The following FER variants were observed in gnomAD, a reference collection of about 807,000 sequenced individuals.
The protein encoded by FER is FER tyrosine kinase, also known as tyrosine-protein kinase Fer.
Under a neutral mutation model 111.0 loss-of-function variants are expected in FER, and 63 were observed. That is an observed-to-expected ratio of 0.57 (90% CI 0.46 to 0.70). The LOEUF (loss-of-function observed/expected upper bound fraction) is 0.70. Ranked by LOEUF, FER falls within the 30% of genes least tolerant of loss-of-function variation. The probability of loss-of-function intolerance (pLI) is 0.00; values close to 1 mark genes in which losing one functional copy is unlikely to be tolerated. For missense variants in FER, 914 were observed against 954.0 expected (o/e 0.96, Z 0.55); for synonymous variants, 327 against 313.9 (o/e 1.04, Z -0.44).
chr5:108,974,976 G>A (rs1485795983), intron 13 of FER, among the ~76,000 whole-genome samples: 3 of 152,050 alleles, frequency 2.0e-5, no homozygotes, highest in Non-Finnish European at 2.9e-5. Context: ...TGTGTTTATT[G>A]CAATAGCAAA....
chr5:108,836,768 GTTCT>G (rs927950092), intron 5 of FER, among the ~76,000 whole-genome samples: 12 of 151,970 alleles, frequency 7.9e-5, no homozygotes, highest in African/African-American at 2.4e-4. Flanking sequence ...TTTAAATGCA[GTTCT>G]TTCTCTTCTC....
At chr5:109,163,738 C>T (rs919468688) in intron 17 of FER, among the ~76,000 whole-genome samples, 10 of 151,922 alleles carry the variant, frequency 6.6e-5, no homozygotes, top group African/African-American at 2.4e-4. Flanking sequence ...CTACTGCACC[C>T]GGCCTAAAAA....
intron 17 of FER, among the ~76,000 whole-genome samples, chr5:109,106,626 T>C (rs1254899148): frequency 1.3e-5 from 2 of 152,312 alleles, no homozygotes; most frequent in Admixed American, 6.5e-5. Flanking sequence ...TAACCCTTTT[T>C]TCCTGTTACA....
At chr5:108,750,674 A>C (rs77606373) in intron 1 of FER, among the ~76,000 whole-genome samples, 10,209 of 152,334 alleles carry the variant, frequency 0.067, 429 homozygotes, top group South Asian at 0.086. Flanking sequence ...TTGGTAGACA[A>C]ATCATTTACA....
At chr5:108,875,354 T>G (rs1294585328) in intron 8 of FER, among the ~76,000 whole-genome samples, 2 of 152,042 alleles carry the variant, frequency 1.3e-5, no homozygotes, top group African/African-American at 4.8e-5. Flanking sequence ...CTATTATATA[T>G]AATATAATTT....
At chr5:109,021,759 T>G (rs1259942101) in intron 13 of FER, among the ~76,000 whole-genome samples, 2 of 152,082 alleles carry the variant, frequency 1.3e-5, no homozygotes, top group Non-Finnish European at 2.9e-5. Flanking sequence ...CTTTCTTAGA[T>G]TTGATAGATA....
intron 13 of FER, among the ~76,000 whole-genome samples, chr5:109,029,029 A>G (rs1314176020): frequency 6.6e-6 from 1 of 152,186 alleles, no homozygotes; most frequent in Non-Finnish European, 1.5e-5. Context: ...TTATGGACTA[A>G]TATTACTCAG....
chr5:109,005,381 G>T (rs905706658), intron 13 of FER, among the ~76,000 whole-genome samples: 1 of 152,082 alleles, frequency 6.6e-6, no homozygotes, highest in African/African-American at 2.4e-5. Context: ...GTGTGTGTGT[G>T]TGTGTGTATT....
intron 1 of FER, among the ~76,000 whole-genome samples, chr5:108,752,196 C>T (rs1750582397): frequency 6.6e-6 from 1 of 152,034 alleles, no homozygotes; most frequent in Non-Finnish European, 1.5e-5. Context: ...AAAATCAAGG[C>T]TCCAATTTTC....
intron 13 of FER, among the ~76,000 whole-genome samples, chr5:108,999,447 T>C (rs1029787213): frequency 6.6e-6 from 1 of 152,164 alleles, no homozygotes; most frequent in Non-Finnish European, 1.5e-5. Context: ...TTTCTTTAAA[T>C]GGATATTTTT....
chr5:108,774,151 T>C (rs541917394), intron 2 of FER, among the ~76,000 whole-genome samples: 1 of 151,862 alleles, frequency 6.6e-6, no homozygotes, highest in African/African-American at 2.4e-5. Context: ...GAACGTGGGA[T>C]GTTTGGTTTT....
chr5:108,963,842 C>T (rs576704141), intron 13 of FER, among the ~76,000 whole-genome samples: 22 of 152,182 alleles, frequency 1.4e-4, no homozygotes, highest in Admixed American at 6.5e-5. Flanking sequence ...GCACTTTAAG[C>T]GCTGTTTACA....
At chr5:109,165,641 TAC>T (rs1227610260) in intron 17 of FER, among the ~76,000 whole-genome samples, 4 of 101,798 alleles carry the variant, frequency 3.9e-5, no homozygotes, top group African/African-American at 1.0e-4. Flanking sequence ...TGTGTGTGTA[TAC>T]ACACATATAT....
chr5:109,029,595 A>G (rs1340145881), intron 13 of FER, among the ~76,000 whole-genome samples: 1 of 151,656 alleles, frequency 6.6e-6, no homozygotes, highest in Non-Finnish European at 1.5e-5. Context: ...AGATGGTTTT[A>G]CCACATTTAC....
chr5:108,983,147 G>C (rs976861101), intron 13 of FER, among the ~76,000 whole-genome samples: 1 of 151,952 alleles, frequency 6.6e-6, no homozygotes, highest in East Asian at 1.9e-4. Flanking sequence ...GAGATGCTAT[G>C]ACAATATGGA....
intron 16 of FER, among the ~76,000 whole-genome samples, chr5:109,096,522 C>T (rs549459680): frequency 1.3e-5 from 2 of 152,072 alleles, no homozygotes; most frequent in African/African-American, 4.8e-5. Flanking sequence ...TCTTAGGATG[C>T]TTTCATCCTA....
At chr5:109,058,976 G>T (rs993517568) in intron 16 of FER, among the ~76,000 whole-genome samples, 1 of 151,638 alleles carries the variant, frequency 6.6e-6, no homozygotes, top group South Asian at 2.1e-4. Flanking sequence ...CTGACCTCAG[G>T]TAATACACCC....
chr5:108,823,789 C>T (rs1413496308), intron 3 of FER, among the ~76,000 whole-genome samples: 1 of 152,080 alleles, frequency 6.6e-6, no homozygotes. Context: ...GGTGCAGTCT[C>T]ACTTGTTTAA....
chr5:109,116,704 T>C lies in FER; in HGVS notation c.2048+16185T>C, dbSNP rs140263295. ...AGATAATTGTTACTGATGCAGCCTG[T>C]CTTCCTACACATAAAACATTTGCAT... On this transcript the variant is annotated intron_variant, in intron 17 of 19. Transcript: ENST00000281092. 8.5e-5 allele frequency among the ~76,000 whole-genome samples: 13 copies of C among 152,286 alleles called. No homozygotes were observed. The East Asian group carries it at 1.5e-3, about 18-fold the overall frequency.
Sources: allele counts gnomAD v4.1 joint callset (sites outside exome capture counted in the v4.1 genomes callset), GRCh38; gene constraint gnomAD v4.1.1; transcripts MANE v1.5; gene names NCBI Gene and HGNC (gene_info 2026-07-23, HGNC 2026-07-21).